Variants in PIK3R5 observed in about 807,000 individuals in gnomAD.
The protein encoded by PIK3R5 is phosphoinositide 3-kinase regulatory subunit 5.
PIK3R5 carries 32 observed loss-of-function variants against 94.9 expected under a neutral mutation model. The observed-to-expected ratio is 0.34, with a 90% CI of 0.25 to 0.45. The LOEUF (loss-of-function observed/expected upper bound fraction) is 0.45, where lower values mean the gene tolerates loss of function less well. Among genes scored for constraint, PIK3R5 ranks in the 20% least tolerant of loss-of-function variants. The pLI, the probability that PIK3R5 is intolerant of heterozygous loss-of-function variation, is 1.00. For synonymous variants in PIK3R5, 443 were observed against 479.4 expected, an observed-to-expected ratio of 0.92 and a Z score of 0.99; for missense variants, 853 against 1,144.6, an observed-to-expected ratio of 0.75 and a Z score of 3.68.
At position 8,896,118 on chromosome 17, in the gene PIK3R5, C is replaced by A. The variant is rs2090148073; in HGVS notation, c.413-2463G>T. On this transcript the variant is annotated intron_variant, in intron 5 of 18. Coordinates refer to ENST00000447110, the MANE Select transcript of PIK3R5 (RefSeq NM_001142633.3). This position sits in a 1 kb window ranked among gnomAD's most constrained non-coding sequence, Gnocchi z 4.0. ...TTTGTACAGACTGACTCCTTTGAGC[C>A]TGGCTTAGAGATTGTACTGCCGAGT... Among the ~76,000 whole-genome samples, 1 of 152,152 alleles carries A rather than the reference C, an allele frequency of 6.6e-6. No homozygotes were observed.
Position 8,884,956 on chromosome 17 carries a change from G to C in PIK3R5, c.2129-173C>G, listed in dbSNP as rs1004164271. 7 of 614,196 alleles carry C rather than the reference G, an allele frequency of 1.1e-5. No homozygotes were observed. The highest frequency in any genetic ancestry group is 1.8e-5 in the African/African-American group (1 of 54,442). 38.0% of individuals were successfully genotyped at this position (614,196 alleles called of 1,614,324 possible). A position where few individuals can be genotyped will look rare whatever the true frequency, so the allele number is the denominator to read the frequency against. On this transcript the variant is annotated intron_variant, in intron 14 of 18. Transcript: ENST00000447110. The surrounding 1 kb of genome is among the most constrained non-coding windows in gnomAD (Gnocchi z 5.8). ...CTCTCTCTCTGGCTCCACGTTCTGG[G>C]GATCTCCACCTCCTCAGTGACCCCA...
chr17:8,959,546 C>T (rs1716420409), intron 1 of PIK3R5, among the ~76,000 whole-genome samples: 2 of 152,202 alleles, frequency 1.3e-5, no homozygotes, highest in Admixed American at 6.5e-5. Flanking sequence ...GAGTTTGAGA[C>T]TCTCCTCGAA....
chr17:8,905,816 C>A, intron 3 of PIK3R5, 79 bp from the exon 4 acceptor site: 2 of 800,980 alleles, frequency 2.5e-6, no homozygotes, highest in Non-Finnish European at 1.9e-6. Flanking sequence ...GTGGTTCTTC[C>A]TCATTCTAGC....
chr17:8,940,101 G>A (rs1351442792), intron 1 of PIK3R5, among the ~76,000 whole-genome samples: 1 of 152,158 alleles, frequency 6.6e-6, no homozygotes, highest in Non-Finnish European at 1.5e-5. Context: ...CAGCCCCTAA[G>A]CCTGCTTCCC....
chr17:8,963,175 T>C (rs1415902335), intron 1 of PIK3R5, among the ~76,000 whole-genome samples: 1 of 152,142 alleles, frequency 6.6e-6, no homozygotes, highest in African/African-American at 2.4e-5. Context: ...GTTCAGGCTT[T>C]TAGCTCACCA....
At chr17:8,928,009 T>A (rs1001672635) in intron 1 of PIK3R5, among the ~76,000 whole-genome samples, 5 of 152,220 alleles carry the variant, frequency 3.3e-5, no homozygotes, top group African/African-American at 4.8e-5. Flanking sequence ...CAGATGTTGA[T>A]GCCATGCTTC....
intron 1 of PIK3R5, among the ~76,000 whole-genome samples, chr17:8,947,108 C>A (rs960681499): frequency 2.6e-5 from 4 of 152,042 alleles, no homozygotes; most frequent in Non-Finnish European, 5.9e-5. Context: ...GGATCACACA[C>A]CCCGCCTGAC....
At chr17:8,930,063 A>T (rs2090960759) in intron 1 of PIK3R5, among the ~76,000 whole-genome samples, 1 of 152,250 alleles carries the variant, frequency 6.6e-6, no homozygotes, top group East Asian at 1.9e-4. Context: ...GATGCATAAG[A>T]ATTCAACAAC....
chr17:8,889,336 G>T lies in PIK3R5; in HGVS notation c.812-114C>A. On this transcript the variant is annotated intron_variant, in intron 8 of 18. Transcript: ENST00000447110. This position sits in a 1 kb window ranked among gnomAD's most constrained non-coding sequence, Gnocchi z 4.1. ...AGAGATGGGACAGGATCGGCACAAG[G>T]ATATGTAGCTGGATAGGCTGAGGCT... 2 of 747,452 alleles carry T rather than the reference G, an allele frequency of 2.7e-6. No homozygotes were observed. Among genetic ancestry groups the T allele is most frequent in the Non-Finnish European group, 4.4e-6 (2 of 458,464 alleles). The allele number at this position is 747,452 out of a possible 1,614,324, so 46.3% of individuals were successfully genotyped here. A position where few individuals can be genotyped will look rare whatever the true frequency, so the allele number is the denominator to read the frequency against.
At chr17:8,960,715 C>T (rs572964494) in intron 1 of PIK3R5, among the ~76,000 whole-genome samples, 6 of 152,320 alleles carry the variant, frequency 3.9e-5, no homozygotes, top group Admixed American at 2.6e-4. Context: ...TGTGAGCCAC[C>T]TTCAGCCCTC....
Position 8,881,779 on chromosome 17 carries a change from C to A in PIK3R5, c.2299+9G>T. The A allele has an allele frequency of 1.9e-6, 3 of 1,613,702 alleles. No homozygotes were observed. Among genetic ancestry groups the A allele is most frequent in the Non-Finnish European group, 2.5e-6 (3 of 1,179,622 alleles). ...CTACTGCACACCCCACACTGACCAC[C>A]CCACTCACCCAGCTCCTCCTGCTTC... On this transcript the variant is annotated intron_variant, in intron 16 of 18. Coordinates refer to ENST00000447110, the MANE Select transcript of PIK3R5 (RefSeq NM_001142633.3). This position sits in a 1 kb window ranked among gnomAD's most constrained non-coding sequence, Gnocchi z 4.8.
chr17:8,887,247 T>A, intron 11 of PIK3R5, 26 bp from the exon 12 acceptor site: 1 of 1,612,778 alleles, frequency 6.2e-7, no homozygotes. Flanking sequence ...AGAGTCATCA[T>A]CCCAGCTCCC....
chr17:8,958,819 C>T (rs997764719), intron 1 of PIK3R5, among the ~76,000 whole-genome samples: 2 of 150,436 alleles, frequency 1.3e-5, no homozygotes, highest in African/African-American at 2.5e-5. Flanking sequence ...AGTGCAATGG[C>T]GCGATCTCGG....
chr17:8,942,678 TCAC>T (rs768840981), intron 1 of PIK3R5, among the ~76,000 whole-genome samples: 6,599 of 151,732 alleles, frequency 0.043, 199 homozygotes, highest in Non-Finnish European at 0.063. Context: ...CGATCTCTGC[TCAC>T]TGCAAGCTCC....
chr17:8,945,877 G>A lies in PIK3R5; in HGVS notation c.-14+19719C>T, dbSNP rs1180566749. Among the ~76,000 whole-genome samples, 3 of 152,176 alleles carry A rather than the reference G, an allele frequency of 2.0e-5. No homozygotes were observed. Among genetic ancestry groups the A allele is most frequent in the Non-Finnish European group, 4.4e-5 (3 of 68,022 alleles). On this transcript the variant is annotated intron_variant, in intron 1 of 18. Coordinates refer to ENST00000447110, the MANE Select transcript of PIK3R5 (RefSeq NM_001142633.3). This position sits in a 1 kb window ranked among gnomAD's most constrained non-coding sequence, Gnocchi z 4.0. ...GCAGCTACTGTCTTGTTTGCCAGAA[G>A]GTTTGAACTTGGAGCTCTGAGCCAT... is the stretch of plus-strand genomic sequence containing the variant.
chr17:8,897,489 G>A (rs2090177983), intron 5 of PIK3R5, among the ~76,000 whole-genome samples: 1 of 152,196 alleles, frequency 6.6e-6, no homozygotes. Context: ...GGGCTTGTGG[G>A]GGCGAACTGA....
In PIK3R5 at chr17:8,911,641, A is replaced by G; in HGVS notation, c.-13-134T>C. The G allele has an allele frequency of 1.6e-6, 1 of 619,184 alleles. No individual in the cohort carries two copies. The highest frequency in any genetic ancestry group is 2.8e-6 in the Non-Finnish European group (1 of 352,992). The allele number at this position is 619,184 out of a possible 1,614,324, so 38.4% of individuals were successfully genotyped here. A position where few individuals can be genotyped will look rare whatever the true frequency, so the allele number is the denominator to read the frequency against. ...GCTATAGCTCAGGTGCTGTGGAAACAGGACCAGGGGCCTTACAGCTGCCTC... is the reference window on the plus strand; with the variant it reads ...GCTATAGCTCAGGTGCTGTGGAAACGGGACCAGGGGCCTTACAGCTGCCTC... On this transcript the variant is annotated intron_variant, in intron 1 of 18. Coordinates refer to ENST00000447110, the MANE Select transcript of PIK3R5 (RefSeq NM_001142633.3). The surrounding 1 kb of genome is among the most constrained non-coding windows in gnomAD (Gnocchi z 5.3).
chr17:8,880,993 C>T lies in PIK3R5; in HGVS notation c.2407G>A (p.Asp803Asn). ...NQISTSQIKV[D>N]KVQIIGSNSC... is the part of the protein sequence containing the mutation. Reference sequence around the variant, plus strand: ...TTGGAGCCGATGATCTGCACCTTGTCCACTTTGATCTGCGATGTGCTAATC... The same window carrying T: ...TTGGAGCCGATGATCTGCACCTTGTTCACTTTGATCTGCGATGTGCTAATC... Residue 803 changes from aspartate to asparagine, a missense_variant, in exon 18 of 19, where the codon GAC (aspartate) becomes AAC (asparagine). Physicochemically the swap from Asp to Asn is conservative, Grantham distance 23 (BLOSUM62 1). Coordinates refer to ENST00000447110, the MANE Select transcript of PIK3R5 (RefSeq NM_001142633.3). The T allele has an allele frequency of 1.9e-6, 3 of 1,614,116 alleles. No homozygotes were observed. The highest frequency in any genetic ancestry group is 2.5e-6 in the Non-Finnish European group (3 of 1,179,956).
intron 1 of PIK3R5, among the ~76,000 whole-genome samples, chr17:8,923,428 C>A (rs1036743312): frequency 6.6e-6 from 1 of 152,222 alleles, no homozygotes; most frequent in Non-Finnish European, 1.5e-5. Flanking sequence ...GAGGTAGACA[C>A]TCCTTACCCC....
Sources: allele counts gnomAD v4.1 joint callset (sites outside exome capture counted in the v4.1 genomes callset), GRCh38; gene constraint gnomAD v4.1.1; non-coding constraint Gnocchi (gnomAD v3.1); transcripts MANE v1.5; gene names NCBI Gene and HGNC (gene_info 2026-07-23, HGNC 2026-07-21).